The following RBFOX1 variants were observed in gnomAD, a reference collection of about 807,000 sequenced individuals.
RBFOX1 encodes RNA binding fox-1 homolog 1.
RBFOX1 carries 8 observed loss-of-function variants against 57.7 expected under a neutral mutation model. The observed-to-expected ratio is 0.14, with a 90% CI of 0.08 to 0.25. The LOEUF is 0.25. Ranked by LOEUF, RBFOX1 falls within the 10% of genes least tolerant of loss-of-function variation. RBFOX1 has a pLI of 1.00. For synonymous variants in RBFOX1, 326 were observed against 222.4 expected, an observed-to-expected ratio of 1.47 and a Z score of -4.15; for missense variants, 611 against 548.5, an observed-to-expected ratio of 1.11 and a Z score of -1.14.
chr16:6,264,059 A>G (rs771549365), intron 1 of RBFOX1, among the ~76,000 whole-genome samples: 3 of 152,250 alleles, frequency 2.0e-5, no homozygotes, highest in Middle Eastern at 3.4e-3. Context: ...TGAATTTGCA[A>G]TGGGGATTCG....
chr16:6,594,864 C>A (rs948723614), intron 2 of RBFOX1, among the ~76,000 whole-genome samples: 2 of 152,182 alleles, frequency 1.3e-5, no homozygotes, highest in African/African-American at 2.4e-5. Context: ...TCTCAGCTAA[C>A]TGTAACCTCC....
At chr16:6,313,153 A>C (rs1446198512) in intron 1 of RBFOX1, among the ~76,000 whole-genome samples, 1 of 152,150 alleles carries the variant, frequency 6.6e-6, no homozygotes, top group Non-Finnish European at 1.5e-5. Context: ...AGAATGGGAA[A>C]GTCCATGGTG....
At chr16:5,560,675 C>T (rs556119380) in intron 2 of RBFOX1, among the ~76,000 whole-genome samples, 6 of 152,178 alleles carry the variant, frequency 3.9e-5, no homozygotes, top group African/African-American at 1.4e-4. Flanking sequence ...ATCCAAACAT[C>T]TCAGCGTAGT....
At chr16:7,484,761 G>C (rs577648413) in intron 4 of RBFOX1, among the ~76,000 whole-genome samples, 1 of 152,296 alleles carries the variant, frequency 6.6e-6, no homozygotes, top group African/African-American at 2.4e-5. Context: ...ACAGTGCCTG[G>C]CTGGCATTGG....
intron 4 of RBFOX1, among the ~76,000 whole-genome samples, chr16:7,514,897 T>C (rs913046665): frequency 4.6e-5 from 7 of 152,210 alleles, no homozygotes; most frequent in East Asian, 1.9e-4. Context: ...GTTATATATG[T>C]TCCTGGTGAA....
chr16:6,632,485 T>G (rs2098397474), intron 2 of RBFOX1, among the ~76,000 whole-genome samples: 1 of 152,174 alleles, frequency 6.6e-6, no homozygotes, highest in Non-Finnish European at 1.5e-5. Flanking sequence ...CTTGGCTAAG[T>G]GTCTGTGGCT....
chr16:6,450,829 A>T (rs9936859), intron 2 of RBFOX1, among the ~76,000 whole-genome samples: 4 of 38,412 alleles, frequency 1.0e-4, no homozygotes, highest in South Asian at 6.4e-4. Flanking sequence ...ATATATATAT[A>T]TATATATGTG....
In RBFOX1 at chr16:7,241,098, G is replaced by C. The variant is rs557790644; in HGVS notation, c.27+189000G>C. Among the ~76,000 whole-genome samples the C allele has an allele frequency of 5.3e-5, 8 of 152,280 alleles. No individual in the cohort carries two copies. The South Asian group carries it at 1.0e-3, about 20-fold the overall frequency. On this transcript the variant is annotated intron_variant, in intron 4 of 15. Coordinates refer to ENST00000550418, the MANE Select transcript of RBFOX1 (RefSeq NM_018723.4). ...AGCGCAGTTTTTAGTATTTATATCA[G>C]ATTGCCATTTCTGGCTTGAGACCCG...
At chr16:5,808,919 C>T (rs1250736998) in intron 3 of RBFOX1, among the ~76,000 whole-genome samples, 1 of 152,152 alleles carries the variant, frequency 6.6e-6, no homozygotes, top group Non-Finnish European at 1.5e-5. Flanking sequence ...GTTTCCTTCT[C>T]CTGCCTAATT....
intron 4 of RBFOX1, among the ~76,000 whole-genome samples, chr16:5,877,560 G>A (rs547718831): frequency 4.5e-4 from 69 of 152,188 alleles, no homozygotes; most frequent in Non-Finnish European, 8.4e-4. Context: ...AGCCGAAGAG[G>A]GTTCTTGGCT....
chr16:7,375,324 C>G (rs11646872), intron 4 of RBFOX1, among the ~76,000 whole-genome samples: 1 of 152,104 alleles, frequency 6.6e-6, no homozygotes, highest in Non-Finnish European at 1.5e-5. Context: ...TAATACAAGT[C>G]TAATGTGTTT....
chr16:6,292,271 T>C (rs970454918), intron 1 of RBFOX1, among the ~76,000 whole-genome samples: 2 of 151,426 alleles, frequency 1.3e-5, no homozygotes, highest in African/African-American at 4.9e-5. Flanking sequence ...AAAAATAAAA[T>C]AGAAAAAGAA....
chr16:6,686,047 C>A (rs530173624), intron 3 of RBFOX1, among the ~76,000 whole-genome samples: 82 of 152,148 alleles, frequency 5.4e-4, no homozygotes, highest in African/African-American at 1.9e-3. Flanking sequence ...TGAAAATGTC[C>A]CATATGTTTG....
At chr16:6,083,104 C>T (rs1417570573) in intron 1 of RBFOX1, among the ~76,000 whole-genome samples, 1 of 151,932 alleles carries the variant, frequency 6.6e-6, no homozygotes, top group African/African-American at 2.4e-5. Flanking sequence ...CAGGTTCAAG[C>T]GATTCTCCTG....
intron 4 of RBFOX1, among the ~76,000 whole-genome samples, chr16:7,217,059 C>T (rs1408622727): frequency 1.8e-4 from 22 of 120,564 alleles, no homozygotes; most frequent in African/African-American, 7.7e-4. Flanking sequence ...CTCCCTCTCT[C>T]TCCCTCTCCT....
intron 2 of RBFOX1, among the ~76,000 whole-genome samples, chr16:6,385,270 G>T (rs968522501): frequency 6.6e-6 from 1 of 152,196 alleles, no homozygotes; most frequent in Non-Finnish European, 1.5e-5. Flanking sequence ...GTAGGTCTGG[G>T]TTCGAACTCT....
intron 1 of RBFOX1, among the ~76,000 whole-genome samples, chr16:6,049,455 A>G (rs147479578): frequency 1.6e-4 from 24 of 152,316 alleles, no homozygotes; most frequent in Non-Finnish European, 2.9e-4. Context: ...TACTTTACAT[A>G]TGCCCTGGCC....
chr16:5,817,134 A>G (rs777182755), intron 3 of RBFOX1, among the ~76,000 whole-genome samples: 2 of 152,106 alleles, frequency 1.3e-5, no homozygotes, highest in Non-Finnish European at 2.9e-5. Context: ...TTGTAATCCA[A>G]TTCAGCGTCG....
intron 4 of RBFOX1, among the ~76,000 whole-genome samples, chr16:7,180,174 T>C (rs1438213605): frequency 6.6e-6 from 1 of 151,702 alleles, no homozygotes; most frequent in East Asian, 1.9e-4. Flanking sequence ...TATTATAATA[T>C]AATAATATCC....
Sources: allele counts gnomAD v4.1 joint callset (sites outside exome capture counted in the v4.1 genomes callset), GRCh38; gene constraint gnomAD v4.1.1; transcripts MANE v1.5; gene names NCBI Gene and HGNC (gene_info 2026-07-23, HGNC 2026-07-21).